GNAZ: variants seen among roughly 807,000 people sequenced by gnomAD.
GNAZ encodes the protein G protein subunit alpha z.
In GNAZ, 3 loss-of-function variants were observed where a neutral mutation model predicts 25.4. The ratio of observed to expected loss-of-function variants is 0.12; its 90% CI spans 0.05 to 0.30. The LOEUF (loss-of-function observed/expected upper bound fraction) is 0.30, where lower values mean the gene tolerates loss of function less well. GNAZ is among the 10% of genes least tolerant of loss of function. The pLI is 1.00. For missense variants in GNAZ, 241 were observed against 501.8 expected, an observed-to-expected ratio of 0.48 and a Z score of 4.97; for synonymous variants, 211 against 205.7, an observed-to-expected ratio of 1.03 and a Z score of -0.22.
chr22:23,085,512 C>T (rs959975404), intron 1 of GNAZ, among the ~76,000 whole-genome samples: 5 of 152,154 alleles, frequency 3.3e-5, no homozygotes, highest in African/African-American at 9.7e-5. Flanking sequence ...TTAGGAGCAA[C>T]GGGAGAAGCA....
intron 2 of GNAZ, among the ~76,000 whole-genome samples, chr22:23,105,047 G>A (rs1288981576): frequency 1.3e-5 from 2 of 152,348 alleles, no homozygotes; most frequent in South Asian, 2.1e-4. Context: ...ATCACACCTC[G>A]TGGTGGACAT....
At chr22:23,087,327 G>A (rs148959286) in intron 1 of GNAZ, among the ~76,000 whole-genome samples, 5 of 152,318 alleles carry the variant, frequency 3.3e-5, no homozygotes, top group Admixed American at 2.6e-4. Flanking sequence ...TTAGCTGGGC[G>A]TGGTGGCGCG....
intron 2 of GNAZ, among the ~76,000 whole-genome samples, chr22:23,112,680 C>G (rs560040562): frequency 8.3e-4 from 126 of 152,300 alleles, no homozygotes; most frequent in African/African-American, 2.9e-3. Context: ...GTGGGAATGG[C>G]AAGTGCTCAA....
At chr22:23,104,857 A>C (rs2069414251) in intron 2 of GNAZ, among the ~76,000 whole-genome samples, 1 of 152,184 alleles carries the variant, frequency 6.6e-6, no homozygotes, top group African/African-American at 2.4e-5. Flanking sequence ...TAGTTTCTGG[A>C]GGGATTGGAA....
intron 2 of GNAZ, among the ~76,000 whole-genome samples, chr22:23,099,095 C>T (rs1327329201): frequency 6.6e-6 from 1 of 152,236 alleles, no homozygotes; most frequent in Non-Finnish European, 1.5e-5. Context: ...CCTCATCTTC[C>T]CTGATGCTGG....
intron 1 of GNAZ, among the ~76,000 whole-genome samples, chr22:23,080,367 T>C (rs2146268892): frequency 6.6e-6 from 1 of 151,752 alleles, no homozygotes; most frequent in Non-Finnish European, 1.5e-5. Context: ...GTTCATCTCA[T>C]CTCCCCGGTC....
At chr22:23,076,008 C>T (rs1452632861) in intron 1 of GNAZ, among the ~76,000 whole-genome samples, 2 of 152,138 alleles carry the variant, frequency 1.3e-5, no homozygotes, top group Admixed American at 1.3e-4. Flanking sequence ...GTCTGGGCAG[C>T]CCCGCATCTG....
intron 1 of GNAZ, among the ~76,000 whole-genome samples, chr22:23,078,232 A>G (rs1215092799): frequency 6.6e-6 from 1 of 152,248 alleles, no homozygotes; most frequent in East Asian, 1.9e-4. Flanking sequence ...AAAAATAATT[A>G]GAGTGTTGCC....
intron 2 of GNAZ, among the ~76,000 whole-genome samples, chr22:23,111,510 A>G (rs571512681): frequency 6.6e-6 from 1 of 152,372 alleles, no homozygotes; most frequent in South Asian, 2.1e-4. Context: ...GTGATGCCAG[A>G]GAGGTGAGGC....
chr22:23,094,062 G>A (rs543697032), intron 1 of GNAZ, among the ~76,000 whole-genome samples: 1 of 152,346 alleles, frequency 6.6e-6, no homozygotes. Context: ...CCCAGGAGTT[G>A]AGGGTGGGGC....
intron 2 of GNAZ, among the ~76,000 whole-genome samples, chr22:23,112,065 G>T (rs571726870): frequency 6.6e-6 from 1 of 152,312 alleles, no homozygotes; most frequent in South Asian, 2.1e-4. Context: ...GACAGGCACT[G>T]CCCCTGGCAT....
chr22:23,112,535 C>T (rs2283802), intron 2 of GNAZ, among the ~76,000 whole-genome samples: 35,407 of 151,950 alleles, frequency 0.23, 4,561 homozygotes, highest in East Asian at 0.34. Context: ...GGCAGGAGGG[C>T]GAGATGGACA....
chr22:23,110,735 G>A (rs534763434), intron 2 of GNAZ, among the ~76,000 whole-genome samples: 1 of 152,358 alleles, frequency 6.6e-6, no homozygotes, highest in South Asian at 2.1e-4. Flanking sequence ...AGAAACAGCA[G>A]TGCGTCTGCA....
At chr22:23,094,644 C>T (rs1362997340) in intron 1 of GNAZ, among the ~76,000 whole-genome samples, 2 of 152,232 alleles carry the variant, frequency 1.3e-5, no homozygotes, top group South Asian at 4.1e-4. Flanking sequence ...ACGGTGCTCC[C>T]ACAGCCTGAA....
At position 23,124,036 on chromosome 22, in the gene GNAZ, G is replaced by C. The variant is rs1000690000; in HGVS notation, c.*605G>C. 4.3e-6 allele frequency: 1 copy of C among 233,796 alleles called. No homozygotes were observed. Among genetic ancestry groups the C allele is most frequent in the Non-Finnish European group, 8.6e-6 (1 of 115,634 alleles). 14.5% of individuals were successfully genotyped at this position (233,796 alleles called of 1,614,324 possible). ...CTAACCAGACCTCCAGCCACTCACAGCTCTTTTTAAAAAACAGCTTCAAAA... is the reference window on the plus strand; with the variant it reads ...CTAACCAGACCTCCAGCCACTCACACCTCTTTTTAAAAAACAGCTTCAAAA... On this transcript the variant is annotated 3_prime_UTR_variant, in exon 3 of 3. Transcript: ENST00000615612.
intron 2 of GNAZ, among the ~76,000 whole-genome samples, chr22:23,104,393 A>G (rs1474853453): frequency 6.6e-6 from 1 of 152,072 alleles, no homozygotes; most frequent in Admixed American, 6.5e-5. Flanking sequence ...ATCAGGCTGG[A>G]TGCTCACAAT....
At chr22:23,079,733 G>A (rs2068621653) in intron 1 of GNAZ, among the ~76,000 whole-genome samples, 1 of 152,168 alleles carries the variant, frequency 6.6e-6, no homozygotes, top group African/African-American at 2.4e-5. Flanking sequence ...TGGCTAGCGG[G>A]AGTGAGTGGT....
At chr22:23,120,944 A>C (rs920254655) in intron 2 of GNAZ, among the ~76,000 whole-genome samples, 1 of 152,172 alleles carries the variant, frequency 6.6e-6, no homozygotes, top group African/African-American at 2.4e-5. Flanking sequence ...CATAGCCCCC[A>C]ATTACAGCAT....
intron 1 of GNAZ, among the ~76,000 whole-genome samples, chr22:23,078,037 C>T (rs906802958): frequency 6.6e-6 from 1 of 152,238 alleles, no homozygotes. Context: ...GGCCTCAGGC[C>T]AGCCCCACCC....
Sources: allele counts gnomAD v4.1 joint callset (sites outside exome capture counted in the v4.1 genomes callset), GRCh38; gene constraint gnomAD v4.1.1; transcripts MANE v1.5; gene names NCBI Gene and HGNC (gene_info 2026-07-23, HGNC 2026-07-21).